Variants in RABGEF1 observed in about 807,000 individuals in gnomAD.
The protein encoded by RABGEF1 is RAB guanine nucleotide exchange factor 1, also known as rab5 GDP/GTP exchange factor.
In RABGEF1, 26 loss-of-function variants were observed where a neutral mutation model predicts 57.3. That is an observed-to-expected ratio of 0.45 (90% CI 0.33 to 0.63). The LOEUF (loss-of-function observed/expected upper bound fraction) is 0.63, where lower values mean the gene tolerates loss of function less well. RABGEF1 is among the 20% of genes least tolerant of loss of function. The pLI is 0.02. For missense variants in RABGEF1, 464 were observed against 607.6 expected, an observed-to-expected ratio of 0.76 and a Z score of 2.48; for synonymous variants, 185 against 210.7, an observed-to-expected ratio of 0.88 and a Z score of 1.06.
chr7:66,741,769 T>C (rs62466803), intron 1 of RABGEF1, among the ~76,000 whole-genome samples: 6,089 of 152,208 alleles, frequency 0.04, 169 homozygotes, highest in East Asian at 0.086. Context: ...TGGCCTTAAG[T>C]GATCCTCCCG....
chr7:66,784,869 G>A (rs1307726108), intron 4 of RABGEF1, among the ~76,000 whole-genome samples: 1 of 151,428 alleles, frequency 6.6e-6, no homozygotes, highest in Non-Finnish European at 1.5e-5. Flanking sequence ...TTTTTTTTAA[G>A]TTAGGAAACA....
intron 3 of RABGEF1, among the ~76,000 whole-genome samples, chr7:66,777,771 C>T (rs888567812): frequency 1.3e-5 from 2 of 152,092 alleles, no homozygotes; most frequent in Non-Finnish European, 2.9e-5. Flanking sequence ...CCAGCCTAGG[C>T]AGCAGAGTGA....
At chr7:66,800,292 C>T (rs1004476474) in intron 7 of RABGEF1, among the ~76,000 whole-genome samples, 1 of 152,280 alleles carries the variant, frequency 6.6e-6, no homozygotes, top group African/African-American at 2.4e-5. Flanking sequence ...TGGAGTCTTT[C>T]AGGACCCTAG....
chr7:66,772,148 T>C, intron 2 of RABGEF1, 70 bp downstream of exon 2: 4 of 1,239,170 alleles, frequency 3.2e-6, no homozygotes, highest in Non-Finnish European at 4.2e-6. Flanking sequence ...ACCGTCTAAA[T>C]ACATTTTTTC....
At chr7:66,692,036 G>A (rs529531334) in intron 1 of RABGEF1, among the ~76,000 whole-genome samples, 4 of 152,116 alleles carry the variant, frequency 2.6e-5, no homozygotes, top group South Asian at 2.1e-4. Flanking sequence ...CAGCTTGAGC[G>A]ACAAAGCAAG....
chr7:66,773,222 A>G (rs1484158236), intron 2 of RABGEF1, among the ~76,000 whole-genome samples: 5 of 152,146 alleles, frequency 3.3e-5, no homozygotes, highest in Non-Finnish European at 7.4e-5. Flanking sequence ...TTAGCCGAGA[A>G]CATGAATGAT....
the RABGEF1 span, among the ~76,000 whole-genome samples, chr7:66,675,342 ATCGCTTGAACCTGGGAG>A: frequency 1.6e-3 from 237 of 152,180 alleles, no homozygotes; most frequent in Middle Eastern, 0.01. Context: ...AGGCAGGAGA[ATCGCTTGAACCTGGGAG>A]GCGGAGGTTG....
chr7:66,677,802 G>A (rs1789392038), upstream of RABGEF1, among the ~76,000 whole-genome samples: 1 of 151,316 alleles, frequency 6.6e-6, no homozygotes, highest in African/African-American at 2.4e-5. Flanking sequence ...AGGAATGCCG[G>A]GTTTGGTGGC....
At chr7:66,660,596 G>A in the RABGEF1 span, among the ~76,000 whole-genome samples, 7 of 149,712 alleles carry the variant, frequency 4.7e-5, no homozygotes, top group Non-Finnish European at 1.0e-4. Flanking sequence ...GCACTCCATT[G>A]CACTCCAGCC....
At chr7:66,776,167 A>T (rs1374493679) in intron 3 of RABGEF1, among the ~76,000 whole-genome samples, 1 of 152,188 alleles carries the variant, frequency 6.6e-6, no homozygotes, top group Non-Finnish European at 1.5e-5. Flanking sequence ...ACTGGGAACC[A>T]ACACTGATGC....
At position 66,799,378 on chromosome 7, in the gene RABGEF1, C is replaced by G; in HGVS notation, c.784C>G (p.Pro262Ala). ...GTGTGTCCCTGTTAATGAAGACATC[C>G]CAGAAGTGTCTGATATGGTGGTGAA... ...MLCVPVNEDI[P>A]EVSDMVVKAI... The change falls in exon 7 of 9, where the codon CCA becomes GCA. Residue 262 changes from proline to alanine, a missense_variant. Around this residue, in one of 4 missense-constraint regions of RABGEF1, gnomAD observed 284 missense variants for 389.9 expected, o/e 0.73. Coordinates refer to ENST00000284957, the MANE Select transcript of RABGEF1 (RefSeq NM_014504.3). 6.2e-7 allele frequency: 1 copy of G among 1,612,376 alleles called. No homozygotes were observed. The highest frequency in any genetic ancestry group is 8.5e-7 in the Non-Finnish European group (1 of 1,178,422).
intron 2 of RABGEF1, among the ~76,000 whole-genome samples, chr7:66,734,116 T>TCCC (rs1797658999): frequency 6.6e-6 from 1 of 152,230 alleles, no homozygotes; most frequent in Non-Finnish European, 1.5e-5. Context: ...ACACATTCAT[T>TCCC]CATTTCTCCA....
At chr7:66,705,876 ATTTTTTTTTTTTTTTTT>A (rs201838145) in intron 1 of RABGEF1, among the ~76,000 whole-genome samples, 6 of 45,172 alleles carry the variant, frequency 1.3e-4, no homozygotes, top group East Asian at 6.7e-4. Flanking sequence ...CACCCAGCTA[ATTTTTTTTTTTTTTTTT>A]TTTTTTTTTT....
intron 1 of RABGEF1, among the ~76,000 whole-genome samples, chr7:66,694,883 G>C (rs1372618858): frequency 6.6e-6 from 1 of 152,184 alleles, no homozygotes; most frequent in African/African-American, 2.4e-5. Flanking sequence ...TTAGGGGTGT[G>C]TGGGCCTGTG....
At chr7:66,707,502 A>G (rs1794268980) in intron 1 of RABGEF1, among the ~76,000 whole-genome samples, 1 of 152,184 alleles carries the variant, frequency 6.6e-6, no homozygotes, top group African/African-American at 2.4e-5. Context: ...AGCCTGGCCA[A>G]TATGGGGAAA....
chr7:66,684,221 G>A (rs1159553153), intron 1 of RABGEF1, among the ~76,000 whole-genome samples: 1 of 152,078 alleles, frequency 6.6e-6, no homozygotes, highest in Admixed American at 6.6e-5. Context: ...CGAGGCGGTT[G>A]GATCACGAGG....
chr7:66,675,655 A>G, the RABGEF1 span, among the ~76,000 whole-genome samples: 1 of 152,190 alleles, frequency 6.6e-6, no homozygotes, highest in African/African-American at 2.4e-5. Flanking sequence ...TTCATGAACG[A>G]TGTGGTCTTA....
chr7:66,659,012 G>A, the RABGEF1 span, among the ~76,000 whole-genome samples: 5 of 152,062 alleles, frequency 3.3e-5, no homozygotes, highest in Admixed American at 3.3e-4. Context: ...TGGGATTACA[G>A]GCATGAGCCA....
At chr7:66,659,329 G>C in the RABGEF1 span, among the ~76,000 whole-genome samples, 2 of 151,968 alleles carry the variant, frequency 1.3e-5, no homozygotes, top group East Asian at 3.9e-4. Flanking sequence ...GTGGGTGCCT[G>C]TAACCCCAGC....
Sources: gnomAD v4.1 joint callset for allele counts (sites outside exome capture counted in the v4.1 genomes callset) on GRCh38, gnomAD v4.1.1 for gene constraint, gnomAD v4.1.1 regional missense constraint, MANE v1.5 for transcripts, NCBI Gene and HGNC (gene_info 2026-07-23, HGNC 2026-07-21) for gene names.